DROSHA: variants seen among roughly 807,000 people sequenced by gnomAD.
DROSHA encodes the protein ribonuclease 3.
In DROSHA, 56 loss-of-function variants were observed where a neutral mutation model predicts 181.9. The observed-to-expected ratio is 0.31, with a 90% CI of 0.25 to 0.38. DROSHA has a LOEUF of 0.38. Among genes scored for constraint, DROSHA ranks in the 10% least tolerant of loss-of-function variants. The pLI is 1.00. For synonymous variants in DROSHA, 524 were observed against 591.2 expected (o/e 0.89, Z 1.65); for missense variants, 1,218 against 1,743.5 (o/e 0.70, Z 5.37).
intron 20 of DROSHA, 128 bp from the exon 21 acceptor site, chr5:31,451,768 T>C (rs1345701565): frequency 1.2e-5 from 8 of 681,794 alleles, no homozygotes; most frequent in African/African-American, 5.4e-5. Flanking sequence ...AAACAGCTTA[T>C]TGGCTGCATG....
chr5:31,417,517 G>T (rs529948049), intron 30 of DROSHA, among the ~76,000 whole-genome samples: 1 of 152,216 alleles, frequency 6.6e-6, no homozygotes, highest in African/African-American at 2.4e-5. Flanking sequence ...GGACTGCAGT[G>T]GCTCAGACCG....
At chr5:31,418,361 T>C (rs1742234000) in intron 30 of DROSHA, among the ~76,000 whole-genome samples, 1 of 152,088 alleles carries the variant, frequency 6.6e-6, no homozygotes, top group Non-Finnish European at 1.5e-5. Context: ...CCACAGCTCC[T>C]GGGCTCAAGC....
chr5:31,480,315 G>C (rs1750899301), intron 16 of DROSHA, among the ~76,000 whole-genome samples: 1 of 150,930 alleles, frequency 6.6e-6, no homozygotes, highest in African/African-American at 2.4e-5. Flanking sequence ...AGTGCAACAG[G>C]ATATGATTCT....
intron 11 of DROSHA, 70 bp downstream of exon 11, chr5:31,504,485 A>G: frequency 6.7e-7 from 1 of 1,502,004 alleles, no homozygotes; most frequent in Non-Finnish European, 9.2e-7. Flanking sequence ...TATGGGGGAA[A>G]GAACAGCAAC....
At chr5:31,468,134 A>T in intron 17 of DROSHA, 71 bp from the exon 18 acceptor site, 1 of 1,514,310 alleles carries the variant, frequency 6.6e-7, no homozygotes, top group East Asian at 2.4e-5. Flanking sequence ...CTAAGTAGGG[A>T]AGGAATAAAT....
intron 18 of DROSHA, 104 bp downstream of exon 18, chr5:31,467,835 C>T (rs141985588): frequency 7.0e-7 from 1 of 1,432,872 alleles, no homozygotes; most frequent in Non-Finnish European, 9.4e-7. Context: ...CATTTCAGGT[C>T]TTAATTTTTA....
chr5:31,443,386 A>G (rs1745876864), intron 23 of DROSHA, among the ~76,000 whole-genome samples: 1 of 151,994 alleles, frequency 6.6e-6, no homozygotes, highest in South Asian at 2.1e-4. Context: ...AAACCAAGGC[A>G]GCTTGGTTTT....
At chr5:31,422,677 T>C in intron 29 of DROSHA, 110 bp downstream of exon 29, 1 of 1,388,530 alleles carries the variant, frequency 7.2e-7, no homozygotes, top group South Asian at 1.4e-5. Context: ...AATGTGACTT[T>C]CCTGGAAATA....
intron 16 of DROSHA, among the ~76,000 whole-genome samples, chr5:31,481,298 A>G (rs957075713): frequency 2.0e-5 from 3 of 152,202 alleles, no homozygotes; most frequent in African/African-American, 7.2e-5. Flanking sequence ...AAACAAATCA[A>G]TAGACCTTTT....
chr5:31,468,591 T>C (rs16901209), intron 17 of DROSHA, among the ~76,000 whole-genome samples: 13,310 of 152,282 alleles, frequency 0.087, 1,028 homozygotes, highest in East Asian at 0.22. Flanking sequence ...GTAGGACATT[T>C]GTGTATTTTA....
intron 5 of DROSHA, among the ~76,000 whole-genome samples, chr5:31,524,471 C>T (rs1199889247): frequency 2.0e-5 from 3 of 152,208 alleles, no homozygotes; most frequent in East Asian, 3.8e-4. Context: ...GGTAAGTACA[C>T]TACTGGGGAA....
At chr5:31,430,804 T>C (rs1744083009) in intron 26 of DROSHA, among the ~76,000 whole-genome samples, 1 of 152,182 alleles carries the variant, frequency 6.6e-6, no homozygotes, top group Admixed American at 6.5e-5. Context: ...AGCATGAAAC[T>C]ACAATGGGAA....
At chr5:31,517,417 G>A (rs888765068) in intron 6 of DROSHA, among the ~76,000 whole-genome samples, 5 of 152,026 alleles carry the variant, frequency 3.3e-5, no homozygotes, top group African/African-American at 1.2e-4. Context: ...ATTTTCATCA[G>A]TTACTTTTAA....
chr5:31,430,594 A>G (rs954680132), intron 26 of DROSHA, among the ~76,000 whole-genome samples: 1 of 152,222 alleles, frequency 6.6e-6, no homozygotes, highest in Non-Finnish European at 1.5e-5. Context: ...CACAGATCTG[A>G]TAAATGATGG....
At chr5:31,483,257 T>C (rs1297351996) in intron 16 of DROSHA, among the ~76,000 whole-genome samples, 3 of 152,226 alleles carry the variant, frequency 2.0e-5, no homozygotes, top group African/African-American at 4.8e-5. Flanking sequence ...ATTAGCCATA[T>C]GCATTTTTTA....
chr5:31,457,123 CTTT>C (rs5867080), intron 20 of DROSHA, among the ~76,000 whole-genome samples: 1 of 99,096 alleles, frequency 1.0e-5, no homozygotes, highest in African/African-American at 3.9e-5. Context: ...GAAATTAAGC[CTTT>C]TTTTTTTTTT....
intron 11 of DROSHA, among the ~76,000 whole-genome samples, chr5:31,502,248 C>A (rs1329172801): frequency 6.6e-6 from 1 of 152,236 alleles, no homozygotes; most frequent in Non-Finnish European, 1.5e-5. Context: ...GGCTAGAGTA[C>A]AAGCAGCCCT....
chr5:31,495,388 C>A lies in DROSHA; in HGVS notation c.1669-16G>T, dbSNP rs750629398. The A allele has an allele frequency of 6.2e-7, 1 of 1,608,816 alleles. No homozygotes were observed. The highest frequency in any genetic ancestry group is 8.5e-7 in the Non-Finnish European group (1 of 1,177,528). On this transcript the variant is annotated splice_polypyrimidine_tract_variant and intron_variant, in intron 11 of 35. Transcript: ENST00000344624. ...GCTTGATGGCCTGAGGGGAAAAAAA[C>A]GAAAATCAGTTTACAAGTAAAGCAA...
chr5:31,427,292 T>C (rs1561141818), intron 27 of DROSHA, among the ~76,000 whole-genome samples: 1 of 152,070 alleles, frequency 6.6e-6, no homozygotes, highest in Non-Finnish European at 1.5e-5. Context: ...GCCATTAACA[T>C]AATCAAAATG....
Sources: allele counts gnomAD v4.1 joint callset (sites outside exome capture counted in the v4.1 genomes callset), GRCh38; gene constraint gnomAD v4.1.1; transcripts MANE v1.5; gene names NCBI Gene and HGNC (gene_info 2026-07-23, HGNC 2026-07-21).